The following MRPS35 variants were observed in gnomAD, a reference collection of about 807,000 sequenced individuals.
The protein encoded by MRPS35 is mitochondrial ribosomal protein S35.
Under a neutral mutation model 32.7 loss-of-function variants are expected in MRPS35, and 29 were observed. That is an observed-to-expected ratio of 0.89 (90% CI 0.66 to 1.21). The LOEUF is 1.21. MRPS35 is among the 50% of genes most tolerant of loss of function. MRPS35 has a pLI of 0.00. For missense variants in MRPS35, 373 were observed against 383.8 expected (o/e 0.97, Z 0.23); for synonymous variants, 148 against 139.3 (o/e 1.06, Z -0.44).
intron 7 of MRPS35, among the ~76,000 whole-genome samples, chr12:27,738,339 A>G (rs2061950495): frequency 6.6e-6 from 1 of 152,208 alleles, no homozygotes; most frequent in African/African-American, 2.4e-5. Flanking sequence ...GATCAAGTGT[A>G]AATTTTCCAT....
chr12:27,723,483 T>C (rs1259906352), intron 4 of MRPS35, among the ~76,000 whole-genome samples: 1 of 152,126 alleles, frequency 6.6e-6, no homozygotes, highest in African/African-American at 2.4e-5. Context: ...ATAGAAAAAA[T>C]ATCAGTTCTT....
intron 5 of MRPS35, among the ~76,000 whole-genome samples, chr12:27,735,005 C>G (rs944598474): frequency 5.9e-5 from 9 of 152,176 alleles, no homozygotes; most frequent in African/African-American, 2.2e-4. Flanking sequence ...TGCAGTGATA[C>G]AAGTCTCATA....
chr12:27,751,312 T>C (rs968265796), intron 7 of MRPS35, among the ~76,000 whole-genome samples: 1 of 152,132 alleles, frequency 6.6e-6, no homozygotes, highest in Non-Finnish European at 1.5e-5. Context: ...CATTATTCCA[T>C]AGTGCAGGGA....
intron 7 of MRPS35, among the ~76,000 whole-genome samples, chr12:27,748,425 G>A (rs2061988334): frequency 7.0e-6 from 1 of 143,806 alleles, no homozygotes; most frequent in Non-Finnish European, 1.5e-5. Flanking sequence ...CAGGCAGGAA[G>A]AAAAAGAAAA....
intron 7 of MRPS35, among the ~76,000 whole-genome samples, chr12:27,751,668 A>G (rs1293377938): frequency 6.6e-6 from 1 of 152,132 alleles, no homozygotes; most frequent in African/African-American, 2.4e-5. Flanking sequence ...TCCTGTCCAG[A>G]CGGACAGCTT....
At chr12:27,746,849 GT>G (rs2061983343) in intron 7 of MRPS35, among the ~76,000 whole-genome samples, 1 of 152,112 alleles carries the variant, frequency 6.6e-6, no homozygotes, top group African/African-American at 2.4e-5. Context: ...AGTTAAAGCT[GT>G]TTCCCCCTTT....
intron 6 of MRPS35, 135 bp from the exon 7 acceptor site, chr12:27,737,404 A>G (rs2061946657): frequency 3.0e-6 from 2 of 669,616 alleles, no homozygotes; most frequent in Admixed American, 2.9e-5. Flanking sequence ...TTTTTATTCC[A>G]AAAACAGTTT....
At chr12:27,738,442 T>C (rs2061950931) in intron 7 of MRPS35, among the ~76,000 whole-genome samples, 1 of 152,180 alleles carries the variant, frequency 6.6e-6, no homozygotes, top group Non-Finnish European at 1.5e-5. Flanking sequence ...TGTATTTAAA[T>C]AATATTAAAA....
chr12:27,748,825 G>C (rs1370554005), intron 7 of MRPS35, among the ~76,000 whole-genome samples: 2 of 152,034 alleles, frequency 1.3e-5, no homozygotes, highest in South Asian at 4.1e-4. Flanking sequence ...AACAGCTAAT[G>C]ACTTCAATGC....
intron 5 of MRPS35, among the ~76,000 whole-genome samples, chr12:27,734,199 T>C (rs1014615302): frequency 6.6e-6 from 1 of 152,102 alleles, no homozygotes; most frequent in Non-Finnish European, 1.5e-5. Flanking sequence ...ACCTATACTT[T>C]ACCTTATTTA....
chr12:27,714,135 C>T (rs1319657940), intron 1 of MRPS35, among the ~76,000 whole-genome samples: 1 of 149,232 alleles, frequency 6.7e-6, no homozygotes, highest in Admixed American at 6.7e-5. Context: ...GTCATACAAA[C>T]TAATTGACTA....
chr12:27,726,158 A>G (rs2061899696), intron 5 of MRPS35, among the ~76,000 whole-genome samples: 1 of 151,956 alleles, frequency 6.6e-6, no homozygotes, highest in Non-Finnish European at 1.5e-5. Context: ...TTCACTTGCT[A>G]TAGAATTCCC....
intron 5 of MRPS35, among the ~76,000 whole-genome samples, chr12:27,735,188 T>C (rs1248976637): frequency 1.3e-5 from 2 of 152,226 alleles, no homozygotes; most frequent in East Asian, 1.9e-4. Flanking sequence ...TTAACAGATA[T>C]GTCGTTAGTT....
chr12:27,751,514 C>T (rs183096263), intron 7 of MRPS35, among the ~76,000 whole-genome samples: 2 of 152,330 alleles, frequency 1.3e-5, no homozygotes, highest in Admixed American at 1.3e-4. Flanking sequence ...ACACTGTCCA[C>T]CTTTATCTCG....
chr12:27,715,128 G>GTTTA (rs1429173180), intron 2 of MRPS35, among the ~76,000 whole-genome samples: 2 of 152,106 alleles, frequency 1.3e-5, no homozygotes, highest in Non-Finnish European at 1.5e-5. Context: ...TAACTAGTTT[G>GTTTA]TTTATTTATT....
At chr12:27,726,454 C>T (rs2140763272) in intron 5 of MRPS35, among the ~76,000 whole-genome samples, 1 of 152,186 alleles carries the variant, frequency 6.6e-6, no homozygotes, top group Middle Eastern at 3.4e-3. Flanking sequence ...TGAACATTCA[C>T]ATACAGGTTT....
chr12:27,717,737 G>T (rs1167566828), intron 3 of MRPS35, among the ~76,000 whole-genome samples: 1 of 152,212 alleles, frequency 6.6e-6, no homozygotes, highest in Non-Finnish European at 1.5e-5. Context: ...ATCACTGGGT[G>T]AGAGAGTAGC....
At chr12:27,736,868 T>G (rs1025827647) in intron 6 of MRPS35, among the ~76,000 whole-genome samples, 2 of 152,078 alleles carry the variant, frequency 1.3e-5, no homozygotes, top group Non-Finnish European at 2.9e-5. Flanking sequence ...TATATCTACT[T>G]CTTATTTTTA....
intron 7 of MRPS35, among the ~76,000 whole-genome samples, chr12:27,753,928 A>C (rs1200917919): frequency 6.6e-6 from 1 of 152,226 alleles, no homozygotes; most frequent in African/African-American, 2.4e-5. Flanking sequence ...CATTGTTCAC[A>C]TTATGGGAAC....
Sources: allele counts gnomAD v4.1 joint callset (sites outside exome capture counted in the v4.1 genomes callset), GRCh38; gene constraint gnomAD v4.1.1; transcripts MANE v1.5; gene names NCBI Gene and HGNC (gene_info 2026-07-23, HGNC 2026-07-21).